Variants in AFF3 observed in about 807,000 individuals in gnomAD.
AFF3 encodes the protein AF4/FMR2 family member 3.
Under a neutral mutation model 129.7 loss-of-function variants are expected in AFF3, and 32 were observed. The observed-to-expected ratio is 0.25, with a 90% CI of 0.19 to 0.33. AFF3 has a LOEUF of 0.33. Ranked by LOEUF, AFF3 falls within the 10% of genes least tolerant of loss-of-function variation. The pLI, the probability that AFF3 is intolerant of heterozygous loss-of-function variation, is 1.00. For synonymous variants in AFF3, 644 were observed against 635.4 expected (o/e 1.01, Z -0.20); for missense variants, 1,373 against 1,592.0 (o/e 0.86, Z 2.34).
rs35573862 is a variant in AFF3 at position 99,896,620 on chromosome 2, CTTTTTTTTTTTTTTT to C, written c.874-59111_874-59097del. 1.9e-3 allele frequency among the ~76,000 whole-genome samples: 68 copies of C among 36,094 alleles called. No individual in the cohort carries two copies. In the East Asian group the frequency reaches 0.035, roughly 19 times the overall value. 23.7% of individuals were successfully genotyped at this position (36,094 alleles called of 152,430 possible). ...GATCATTTACTTCCCTGTCAAAATGCTTTTTTTTTTTTTTTTTTTTTTTTTTTTTTTTGGAGACGG... is the reference window on the plus strand; with the variant it reads ...GATCATTTACTTCCCTGTCAAAATGCTTTTTTTTTTTTTTTTTGGAGACGG... On this transcript the variant is annotated intron_variant, in intron 7 of 24. Coordinates refer to ENST00000672756, the MANE Select transcript of AFF3 (RefSeq NM_001386135.1).
intron 24 of AFF3, 115 bp from the exon 25 acceptor site, chr2:99,551,710 G>T: frequency 7.7e-7 from 1 of 1,295,584 alleles, no homozygotes; most frequent in Non-Finnish European, 1.1e-6. Flanking sequence ...AGGATTCTCC[G>T]TTCCATCATG....
intron 7 of AFF3, among the ~76,000 whole-genome samples, chr2:99,875,673 T>C (rs7607172): frequency 0.38 from 58,290 of 151,966 alleles, 11,560 homozygotes; most frequent in South Asian, 0.44. Flanking sequence ...GATGTGTTGA[T>C]TGAATGACAA....
intron 2 of AFF3, among the ~76,000 whole-genome samples, chr2:100,128,003 T>A (rs938608530): frequency 6.6e-6 from 1 of 152,094 alleles, no homozygotes; most frequent in African/African-American, 2.4e-5. Context: ...AAAACCAAGA[T>A]GGCCATGAGA....
At chr2:99,847,579 G>C (rs1689829212) in intron 7 of AFF3, among the ~76,000 whole-genome samples, 1 of 151,982 alleles carries the variant, frequency 6.6e-6, no homozygotes, top group Non-Finnish European at 1.5e-5. Context: ...CCCATAAAAT[G>C]TTCAGAGCCT....
intron 7 of AFF3, among the ~76,000 whole-genome samples, chr2:99,920,870 G>T (rs1375184028): frequency 1.3e-5 from 2 of 151,940 alleles, no homozygotes; most frequent in African/African-American, 4.8e-5. Flanking sequence ...AATAAAAATT[G>T]TTAAAAATGC....
rs1491571325 is a variant in AFF3 at position 99,724,272 on chromosome 2, T to TTTTTTTTTTTTTTC, written c.1091+2804_1091+2805insGAAAAAAAAAAAAA. 1.3e-4 allele frequency among the ~76,000 whole-genome samples: 9 copies of TTTTTTTTTTTTTTC among 69,266 alleles called. 1 individual carries two copies. Among genetic ancestry groups the TTTTTTTTTTTTTTC allele is most frequent in the South Asian group, 1.2e-3 (2 of 1,606 alleles). 45.4% of individuals were successfully genotyped at this position (69,266 alleles called of 152,430 possible). ...CCTCACTTCAGTGGAATGACCTTTCTTTTTTTTTTTTTTTTTTTGAGACAC... is the reference window on the plus strand; with the variant it reads ...CCTCACTTCAGTGGAATGACCTTTCTTTTTTTTTTTTTTCTTTTTTTTTTTTTTTTTTGAGACAC... On this transcript the variant is annotated intron_variant, in intron 11 of 24. Coordinates refer to ENST00000672756, the MANE Select transcript of AFF3 (RefSeq NM_001386135.1).
intron 7 of AFF3, among the ~76,000 whole-genome samples, chr2:99,901,891 G>T (rs1014865377): frequency 1.3e-5 from 2 of 151,458 alleles, no homozygotes; most frequent in African/African-American, 4.8e-5. Context: ...AGCTAAGAAG[G>T]CATTTCATGA....
intron 19 of AFF3, among the ~76,000 whole-genome samples, chr2:99,567,695 G>T (rs1676103562): frequency 6.6e-6 from 1 of 152,196 alleles, no homozygotes; most frequent in African/African-American, 2.4e-5. Flanking sequence ...CCGCTGGCTG[G>T]CAGGAGCAAG....
chr2:99,831,558 G>A (rs1688518571), intron 8 of AFF3, among the ~76,000 whole-genome samples: 1 of 151,976 alleles, frequency 6.6e-6, no homozygotes, highest in Admixed American at 6.6e-5. Flanking sequence ...ACTATGATTT[G>A]ACATGTATTA....
chr2:100,125,466 A>G (rs1325349180), intron 2 of AFF3, among the ~76,000 whole-genome samples: 1 of 152,220 alleles, frequency 6.6e-6, no homozygotes, highest in Non-Finnish European at 1.5e-5. Flanking sequence ...CATTTGTTCA[A>G]CGTTGTATCC....
At chr2:100,066,105 G>A (rs1360185758) in intron 4 of AFF3, among the ~76,000 whole-genome samples, 3 of 152,138 alleles carry the variant, frequency 2.0e-5, no homozygotes, top group African/African-American at 7.2e-5. Context: ...TAAAATAAAA[G>A]CCCCCTCCCC....
intron 13 of AFF3, among the ~76,000 whole-genome samples, chr2:99,638,999 C>A (rs1021529395): frequency 2.6e-5 from 4 of 152,188 alleles, no homozygotes; most frequent in African/African-American, 9.7e-5. Context: ...AACTGAATTT[C>A]ACCCGGAGGA....
At chr2:100,035,707 C>T (rs1035723658) in intron 4 of AFF3, among the ~76,000 whole-genome samples, 10 of 152,078 alleles carry the variant, frequency 6.6e-5, no homozygotes, top group Non-Finnish European at 4.4e-5. Context: ...TGTGAACCCT[C>T]GATGAGTATT....
chr2:100,024,146 G>A (rs1573159568), intron 4 of AFF3, among the ~76,000 whole-genome samples: 1 of 141,964 alleles, frequency 7.0e-6, no homozygotes, highest in South Asian at 2.3e-4. Context: ...GCAGGAGAAT[G>A]GCGTGAACCC....
chr2:100,073,218 G>A (rs1283338572), intron 4 of AFF3, among the ~76,000 whole-genome samples: 2 of 152,200 alleles, frequency 1.3e-5, no homozygotes, highest in Non-Finnish European at 1.5e-5. Flanking sequence ...TAGTTAAGAT[G>A]AGGTCACTCT....
At position 99,685,694 on chromosome 2, in the gene AFF3, T is replaced by C. The variant is rs542753900; in HGVS notation, c.1092-13105A>G. On this transcript the variant is annotated intron_variant, in intron 11 of 24. Coordinates refer to ENST00000672756, the MANE Select transcript of AFF3 (RefSeq NM_001386135.1). The stretch of plus-strand genomic sequence containing the variant: ...CGAATCTTAAGTGCAAGAAAAAAAA[T>C]TCCTGTGAAAAACTCTAAGTGGGAA... Among the ~76,000 whole-genome samples the C allele has an allele frequency of 3.9e-5, 6 of 152,316 alleles. No individual in the cohort carries two copies. In the East Asian group the frequency reaches 1.2e-3, roughly 29 times the overall value.
intron 4 of AFF3, among the ~76,000 whole-genome samples, chr2:100,064,736 G>A (rs1687581778): frequency 1.3e-5 from 2 of 152,218 alleles, no homozygotes; most frequent in Admixed American, 1.3e-4. Flanking sequence ...ACATCGTCAT[G>A]CAGCGATAAT....
At chr2:99,962,744 T>C (rs1393098007) in intron 7 of AFF3, among the ~76,000 whole-genome samples, 1 of 151,642 alleles carries the variant, frequency 6.6e-6, no homozygotes, top group Admixed American at 6.6e-5. Context: ...TCATTTGTCT[T>C]TTCCGTTTTT....
intron 4 of AFF3, among the ~76,000 whole-genome samples, chr2:100,014,149 G>T (rs1237947024): frequency 6.6e-6 from 1 of 151,608 alleles, no homozygotes; most frequent in Non-Finnish European, 1.5e-5. Context: ...CAAGCAAACT[G>T]CATTTCCCAT....
Sources: allele counts gnomAD v4.1 joint callset (sites outside exome capture counted in the v4.1 genomes callset), GRCh38; gene constraint gnomAD v4.1.1; transcripts MANE v1.5; gene names NCBI Gene and HGNC (gene_info 2026-07-23, HGNC 2026-07-21).